GDPD1: variants seen among roughly 807,000 people sequenced by gnomAD.
The protein encoded by GDPD1 is glycerophosphodiester phosphodiesterase domain containing 1.
GDPD1 carries 28 observed loss-of-function variants against 45.1 expected under a neutral mutation model. That is an observed-to-expected ratio of 0.62 (90% confidence interval 0.46 to 0.85). GDPD1 has a LOEUF of 0.85. Ranked by LOEUF, GDPD1 falls within the 40% of genes least tolerant of loss-of-function variation. GDPD1 has a pLI of 0.00. For synonymous variants in GDPD1, 139 were observed against 131.4 expected (o/e 1.06, Z -0.40); for missense variants, 256 against 364.8 (o/e 0.70, Z 2.43).
At chr17:59,246,728 A>G (rs1268308561) in intron 3 of GDPD1, among the ~76,000 whole-genome samples, 6 of 150,340 alleles carry the variant, frequency 4.0e-5, no homozygotes, top group East Asian at 1.9e-4. Flanking sequence ...AAAAAAAAAA[A>G]AAAAGAAACA....
intron 1 of GDPD1, among the ~76,000 whole-genome samples, chr17:59,221,731 A>C (rs140887725): frequency 1.3e-5 from 2 of 152,128 alleles, no homozygotes; most frequent in African/African-American, 4.8e-5. Flanking sequence ...TTTTCAATCA[A>C]TTTTAACTGT....
chr17:59,257,929 CTTTTTCTTA>C, intron 6 of GDPD1, 89 bp downstream of exon 6: 1 of 892,388 alleles, frequency 1.1e-6, no homozygotes, highest in African/African-American at 1.8e-5. Flanking sequence ...AATTTTTTTT[CTTTTTCTTA>C]TTTTTAGAGA....
chr17:59,273,892 T>C lies in GDPD1; in HGVS notation c.*119T>C. On this transcript the variant is annotated 3_prime_UTR_variant, in exon 10 of 10. Transcript: ENST00000284116. ...AAAGGTTTAATCAGTTTTTATTACC[T>C]CATTTTTAAGCCTGTATGAGAATGT... 8.2e-7 allele frequency: 1 copy of C among 1,215,386 alleles called. No homozygotes were observed. The highest frequency in any genetic ancestry group is 1.0e-6 in the Non-Finnish European group (1 of 963,844). The allele number at this position is 1,215,386 out of a possible 1,614,324, so 75.3% of individuals were successfully genotyped here. A position where few individuals can be genotyped will look rare whatever the true frequency, so the allele number is the denominator to read the frequency against.
chr17:59,248,723 A>G lies in GDPD1; in HGVS notation c.322-17A>G. 1 of 1,570,122 alleles carries G rather than the reference A, an allele frequency of 6.4e-7. No individual in the cohort carries two copies. On this transcript the variant is annotated splice_polypyrimidine_tract_variant and intron_variant, in intron 3 of 9. Transcript: ENST00000284116. ...TTTTTGAGAGTTAACTTTTTTTTCA[A>G]TCATATCTTTTTAAAGGAGCTCCCA... is the stretch of plus-strand genomic sequence containing the variant.
At position 59,275,719 on chromosome 17, in the gene GDPD1, A is replaced by G. The variant is rs2047475796; in HGVS notation, c.*1946A>G. The G allele has an allele frequency of 6.6e-6, 1 of 152,542 alleles. No individual in the cohort carries two copies. The highest frequency in any genetic ancestry group is 1.5e-5 in the Non-Finnish European group (1 of 68,280). The allele number at this position is 152,542 out of a possible 1,614,324, so 9.4% of individuals were successfully genotyped here. ...AGAATTTTCCAAAGCATTAGACATC[A>G]CTTTCTCAGTTTATCTGAGGTGACT... On this transcript the variant is annotated 3_prime_UTR_variant, in exon 10 of 10. Transcript: ENST00000284116.
chr17:59,239,763 T>G (rs1195675906), intron 2 of GDPD1, among the ~76,000 whole-genome samples: 1 of 46,946 alleles, frequency 2.1e-5, no homozygotes, highest in Non-Finnish European at 3.7e-5. Flanking sequence ...ATATGTATAG[T>G]TTTTTTTTTT....
At chr17:59,245,828 A>G (rs2047206512) in intron 3 of GDPD1, among the ~76,000 whole-genome samples, 1 of 152,034 alleles carries the variant, frequency 6.6e-6, no homozygotes, top group Non-Finnish European at 1.5e-5. Flanking sequence ...TCATTAAAAT[A>G]TAGGAAAATT....
Position 59,220,581 on chromosome 17 carries a change from G to A in GDPD1, c.-29G>A. On this transcript the variant is annotated 5_prime_UTR_variant, in exon 1 of 10. Coordinates refer to ENST00000284116, the MANE Select transcript of GDPD1 (RefSeq NM_182569.4). Reference sequence around the variant, plus strand: ...CGCAGCGGAGTTCAGAGGGCCCGGAGGTGGGAGACTTCCCACACGGTGACT... The same window carrying A: ...CGCAGCGGAGTTCAGAGGGCCCGGAAGTGGGAGACTTCCCACACGGTGACT... 6.2e-7 allele frequency: 1 copy of A among 1,608,280 alleles called. No homozygotes were observed. The highest frequency in any genetic ancestry group is 8.5e-7 in the Non-Finnish European group (1 of 1,176,734).
intron 2 of GDPD1, among the ~76,000 whole-genome samples, chr17:59,240,809 T>A (rs912559199): frequency 6.6e-6 from 1 of 152,096 alleles, no homozygotes; most frequent in Non-Finnish European, 1.5e-5. Flanking sequence ...AAGTATACAG[T>A]GTTTATAAGG....
At chr17:59,255,694 G>GAT (rs2147894049) in intron 4 of GDPD1, among the ~76,000 whole-genome samples, 1 of 128,202 alleles carries the variant, frequency 7.8e-6, no homozygotes, top group South Asian at 2.5e-4. Flanking sequence ...TGTGAGCCGA[G>GAT]ATCGCACTAT....
At chr17:59,232,895 A>T (rs1021032796) in intron 1 of GDPD1, among the ~76,000 whole-genome samples, 2 of 150,598 alleles carry the variant, frequency 1.3e-5, no homozygotes, top group African/African-American at 4.9e-5. Flanking sequence ...TAAAAAAAAA[A>T]TAACAGTGTA....
chr17:59,232,423 C>A (rs1228778854), intron 1 of GDPD1, among the ~76,000 whole-genome samples: 1 of 150,300 alleles, frequency 6.7e-6, no homozygotes, highest in East Asian at 2.0e-4. Flanking sequence ...GCACTCCAGA[C>A]TGGGTGACAG....
intron 7 of GDPD1, among the ~76,000 whole-genome samples, chr17:59,270,645 T>G (rs982902303): frequency 6.6e-6 from 1 of 152,176 alleles, no homozygotes; most frequent in Non-Finnish European, 1.5e-5. Context: ...AAACGAGATA[T>G]GAGCCTAGGG....
intron 2 of GDPD1, among the ~76,000 whole-genome samples, chr17:59,240,723 G>A (rs1458566882): frequency 1.3e-5 from 2 of 151,940 alleles, no homozygotes; most frequent in Non-Finnish European, 2.9e-5. Flanking sequence ...CTCCTGGCTC[G>A]GCCTCCCAAA....
intron 6 of GDPD1, among the ~76,000 whole-genome samples, chr17:59,262,639 GT>G (rs71145546): frequency 4.9e-5 from 7 of 143,846 alleles, no homozygotes; most frequent in African/African-American, 1.0e-4. Flanking sequence ...GTTTTTTTTT[GT>G]TTTTTTTTTT....
At chr17:59,246,729 A>G (rs1217929516) in intron 3 of GDPD1, among the ~76,000 whole-genome samples, 4 of 150,180 alleles carry the variant, frequency 2.7e-5, no homozygotes, top group South Asian at 2.1e-4. Context: ...AAAAAAAAAA[A>G]AAAGAAACAT....
At chr17:59,261,885 C>G (rs1158888273) in intron 6 of GDPD1, among the ~76,000 whole-genome samples, 1 of 143,062 alleles carries the variant, frequency 7.0e-6, no homozygotes, top group Non-Finnish European at 1.5e-5. Context: ...CCTCTTGTCT[C>G]GTTTTCCCAA....
At chr17:59,232,968 C>G (rs2047102781) in intron 1 of GDPD1, among the ~76,000 whole-genome samples, 1 of 152,174 alleles carries the variant, frequency 6.6e-6, no homozygotes, top group Non-Finnish European at 1.5e-5. Flanking sequence ...GTAATCCCAG[C>G]ACTTTGGGAG....
intron 4 of GDPD1, among the ~76,000 whole-genome samples, chr17:59,254,542 C>T (rs1568346204): frequency 6.6e-6 from 1 of 151,636 alleles, no homozygotes; most frequent in African/African-American, 2.4e-5. Context: ...AATATATATA[C>T]ATATATATAT....
Sources: allele counts gnomAD v4.1 joint callset (sites outside exome capture counted in the v4.1 genomes callset), GRCh38; gene constraint gnomAD v4.1.1; transcripts MANE v1.5; gene names NCBI Gene and HGNC (gene_info 2026-07-23, HGNC 2026-07-21).